ABCC1: variants seen among roughly 807,000 people sequenced by gnomAD.
ABCC1 encodes ATP binding cassette subfamily C member 1 (ABCC1 blood group), also known as multidrug resistance-associated protein 1.
A neutral mutation model predicts 172.9 loss-of-function variants in ABCC1; 83 were observed. The ratio of observed to expected loss-of-function variants is 0.48; its 90% CI spans 0.40 to 0.58. The LOEUF (loss-of-function observed/expected upper bound fraction) is 0.58, where lower values mean the gene tolerates loss of function less well. Ranked by LOEUF, ABCC1 falls within the 20% of genes least tolerant of loss-of-function variation. The pLI, the probability that ABCC1 is intolerant of heterozygous loss-of-function variation, is 0.00. For missense variants in ABCC1, 1,817 were observed against 2,002.7 expected (o/e 0.91, Z 1.77); for synonymous variants, 937 against 825.2 (o/e 1.14, Z -2.32).
At chr16:15,956,363 TAA>T (rs534755907) in intron 1 of ABCC1, among the ~76,000 whole-genome samples, 2 of 144,008 alleles carry the variant, frequency 1.4e-5, no homozygotes, top group Admixed American at 7.0e-5. Context: ...AGACTCTGTC[TAA>T]AAAAAAAAAA....
chr16:16,058,552 G>C (rs1353422789), intron 12 of ABCC1, among the ~76,000 whole-genome samples: 1 of 152,208 alleles, frequency 6.6e-6, no homozygotes, highest in Non-Finnish European at 1.5e-5. Flanking sequence ...AATTTTCTTA[G>C]TCTTGCCTTA....
At chr16:15,973,999 G>A (rs866631024) in intron 1 of ABCC1, among the ~76,000 whole-genome samples, 1 of 151,962 alleles carries the variant, frequency 6.6e-6, no homozygotes, top group Non-Finnish European at 1.5e-5. Flanking sequence ...AAAAGAATGT[G>A]CATATGAATT....
At chr16:16,025,131 G>T (rs886279657) in intron 5 of ABCC1, among the ~76,000 whole-genome samples, 4 of 152,128 alleles carry the variant, frequency 2.6e-5, no homozygotes, top group Non-Finnish European at 5.9e-5. Context: ...TAAGCAACAG[G>T]GCAAACAAAT....
intron 6 of ABCC1, among the ~76,000 whole-genome samples, chr16:16,034,779 A>G (rs2048692101): frequency 6.6e-6 from 1 of 151,438 alleles, no homozygotes; most frequent in Admixed American, 6.6e-5. Context: ...GTAGAGATGG[A>G]GTTTCACTGT....
chr16:16,051,541 A>G (rs2049429238), intron 10 of ABCC1, among the ~76,000 whole-genome samples: 1 of 152,076 alleles, frequency 6.6e-6, no homozygotes, highest in Non-Finnish European at 1.5e-5. Flanking sequence ...TGTTCAAGAG[A>G]AGCCAGGTGC....
chr16:15,972,510 A>G lies in ABCC1; in HGVS notation c.48+22711A>G, dbSNP rs188265307. On this transcript the variant is annotated intron_variant, in intron 1 of 30. Transcript: ENST00000399410. ...AATGGCTGCTACAGCCCTAGGCAAT[A>G]TATCTGGGTTCAAGGTAGGAAGAGG... Among the ~76,000 whole-genome samples the G allele has an allele frequency of 1.1e-3, 162 of 152,186 alleles. 2 individuals are homozygous for G. Among genetic ancestry groups the G allele is most frequent in the African/African-American group, 3.7e-3 (153 of 41,524 alleles).
chr16:16,062,698 C>T (rs1205216705), intron 12 of ABCC1, among the ~76,000 whole-genome samples: 1 of 152,128 alleles, frequency 6.6e-6, no homozygotes, highest in African/African-American at 2.4e-5. Flanking sequence ...CCTTTAGTTC[C>T]CCTGGAAGGT....
intron 19 of ABCC1, among the ~76,000 whole-genome samples, chr16:16,096,235 A>C (rs1027793722): frequency 6.6e-6 from 1 of 151,840 alleles, no homozygotes; most frequent in Non-Finnish European, 1.5e-5. Flanking sequence ...TCAAAAAAAA[A>C]ACAAAAAAAC....
At chr16:16,007,253 G>A (rs1352373641) in intron 1 of ABCC1, among the ~76,000 whole-genome samples, 4 of 136,578 alleles carry the variant, frequency 2.9e-5, no homozygotes, top group Admixed American at 7.3e-5. Flanking sequence ...TGAGAGACAG[G>A]GTCTCGCTCT....
At chr16:16,043,665 G>A (rs1055796479) in intron 7 of ABCC1, among the ~76,000 whole-genome samples, 1 of 151,490 alleles carries the variant, frequency 6.6e-6, no homozygotes, top group African/African-American at 2.4e-5. Context: ...GCAATGGCCT[G>A]ATCTCCACTC....
intron 7 of ABCC1, among the ~76,000 whole-genome samples, chr16:16,043,045 T>C (rs907644896): frequency 1.3e-5 from 2 of 151,408 alleles, no homozygotes; most frequent in African/African-American, 4.9e-5. Flanking sequence ...ATATTTTTAG[T>C]AGAGACAAGG....
chr16:16,104,339 T>TTGATTGGTCCGTTTTGACAGGGTGC (rs2051958933), intron 20 of ABCC1, among the ~76,000 whole-genome samples: 4 of 152,150 alleles, frequency 2.6e-5, no homozygotes, highest in African/African-American at 9.7e-5. Flanking sequence ...TTACAGAGTG[T>TTGATTGGTCCGTTTTGACAGGGTGC]TGATTGGTCC....
intron 1 of ABCC1, among the ~76,000 whole-genome samples, chr16:15,952,262 G>A (rs1018501091): frequency 5.9e-5 from 9 of 152,210 alleles, no homozygotes; most frequent in African/African-American, 1.9e-4. Context: ...ATGAAGTTGT[G>A]TGTTTTAAGC....
At chr16:16,023,225 T>A (rs1180393327) in intron 5 of ABCC1, among the ~76,000 whole-genome samples, 2 of 152,188 alleles carry the variant, frequency 1.3e-5, no homozygotes, top group Admixed American at 1.3e-4. Flanking sequence ...TTTTGATATC[T>A]GAAACTTCCT....
chr16:15,949,327 G>T (rs1165290703), upstream of ABCC1, among the ~76,000 whole-genome samples: 2 of 152,076 alleles, frequency 1.3e-5, no homozygotes, highest in African/African-American at 4.8e-5. Flanking sequence ...CATTTGAAAA[G>T]TGGTCGCAGG....
intron 3 of ABCC1, among the ~76,000 whole-genome samples, chr16:16,013,312 C>T (rs1341659658): frequency 6.6e-6 from 1 of 151,696 alleles, no homozygotes; most frequent in African/African-American, 2.4e-5. Flanking sequence ...ACTCTGTCGC[C>T]CAGGCTGGAA....
intron 5 of ABCC1, among the ~76,000 whole-genome samples, chr16:16,032,695 C>A (rs546330644): frequency 6.6e-6 from 1 of 152,076 alleles, no homozygotes; most frequent in African/African-American, 2.4e-5. Context: ...ATAGTAATAC[C>A]CGCTCATGAG....
intron 14 of ABCC1, among the ~76,000 whole-genome samples, chr16:16,075,430 G>A (rs889722406): frequency 2.0e-5 from 3 of 151,866 alleles, no homozygotes; most frequent in African/African-American, 7.3e-5. Flanking sequence ...TTCGAGACCA[G>A]GCTGAGCAAC....
intron 1 of ABCC1, among the ~76,000 whole-genome samples, chr16:15,981,584 G>T (rs915989185): frequency 1.8e-4 from 28 of 152,268 alleles, no homozygotes; most frequent in Non-Finnish European, 2.9e-4. Flanking sequence ...GGAACAAAGT[G>T]TACCAACTCC....
Sources: gnomAD v4.1 joint callset for allele counts (sites outside exome capture counted in the v4.1 genomes callset) on GRCh38, gnomAD v4.1.1 for gene constraint, MANE v1.5 for transcripts, NCBI Gene and HGNC (gene_info 2026-07-23, HGNC 2026-07-21) for gene names.